The following BMP6 variants were observed in gnomAD, a reference collection of about 807,000 sequenced individuals.
BMP6 encodes bone morphogenetic protein 6.
Under a neutral mutation model 54.1 loss-of-function variants are expected in BMP6, and 17 were observed. That is an observed-to-expected ratio of 0.31 (90% CI 0.22 to 0.47). The LOEUF (loss-of-function observed/expected upper bound fraction) is 0.47, where lower values mean the gene tolerates loss of function less well. BMP6 is among the 20% of genes least tolerant of loss of function. BMP6 has a pLI of 1.00. For missense variants in BMP6, 720 were observed against 690.4 expected, an observed-to-expected ratio of 1.04 and a Z score of -0.48; for synonymous variants, 328 against 291.2, an observed-to-expected ratio of 1.13 and a Z score of -1.28.
chr6:7,829,983 T>C (rs1758769448), intron 1 of BMP6, among the ~76,000 whole-genome samples: 2 of 152,238 alleles, frequency 1.3e-5, no homozygotes, highest in Admixed American at 1.3e-4. Context: ...AGTCATTTGA[T>C]GCAGCTAAAA....
At chr6:7,769,003 A>AT (rs1757741491) in intron 1 of BMP6, among the ~76,000 whole-genome samples, 2 of 152,228 alleles carry the variant, frequency 1.3e-5, no homozygotes, top group Admixed American at 1.3e-4. Flanking sequence ...GTCAACTTGC[A>AT]TAACAGCTTT....
chr6:7,847,984 A>C (rs542211718), intron 2 of BMP6, among the ~76,000 whole-genome samples: 1 of 152,366 alleles, frequency 6.6e-6, no homozygotes, highest in South Asian at 2.1e-4. Context: ...GAATGGAATC[A>C]GCAACCTAAT....
intron 4 of BMP6, among the ~76,000 whole-genome samples, chr6:7,871,774 A>G (rs1328955252): frequency 6.6e-6 from 1 of 152,228 alleles, no homozygotes; most frequent in Non-Finnish European, 1.5e-5. Context: ...TTTGTGTCTC[A>G]GCAGGGCAGT....
chr6:7,748,856 T>TG (rs1757382651), intron 1 of BMP6, among the ~76,000 whole-genome samples: 1 of 152,224 alleles, frequency 6.6e-6, no homozygotes, highest in Admixed American at 6.5e-5. Flanking sequence ...TACCCCCATC[T>TG]CTAGGATTGT....
Position 7,731,499 on chromosome 6 carries a change from T to C in BMP6, c.664+3880T>C, listed in dbSNP as rs1004161237. Among the ~76,000 whole-genome samples, 15 of 152,220 alleles carry C rather than the reference T, an allele frequency of 9.9e-5. No individual in the cohort carries two copies. The East Asian group carries it at 1.7e-3, about 18-fold the overall frequency. ...TGCTTACTCATTTGTTTGTCTCCCCTGTAGGATGTCAGCCTCCAAAGGCGG... is the reference window on the plus strand; with the variant it reads ...TGCTTACTCATTTGTTTGTCTCCCCCGTAGGATGTCAGCCTCCAAAGGCGG... On this transcript the variant is annotated intron_variant, in intron 1 of 6. Transcript: ENST00000283147.
chr6:7,853,873 A>G (rs548425500), intron 2 of BMP6, among the ~76,000 whole-genome samples: 2 of 151,350 alleles, frequency 1.3e-5, no homozygotes, highest in South Asian at 4.2e-4. Context: ...AGTCAAGGGC[A>G]TATGACTTAT....
intron 4 of BMP6, among the ~76,000 whole-genome samples, chr6:7,869,542 C>T (rs1018370156): frequency 2.0e-5 from 3 of 152,182 alleles, no homozygotes; most frequent in Non-Finnish European, 4.4e-5. Flanking sequence ...CTGTTGGGGC[C>T]AAGGGTGCCC....
chr6:7,808,272 TAGTC>T (rs1758381821), intron 1 of BMP6, among the ~76,000 whole-genome samples: 1 of 152,204 alleles, frequency 6.6e-6, no homozygotes, highest in East Asian at 1.9e-4. Context: ...CACTTAAAAT[TAGTC>T]AGCTTGTACT....
At chr6:7,869,290 C>T (rs1175632427) in intron 4 of BMP6, among the ~76,000 whole-genome samples, 1 of 152,236 alleles carries the variant, frequency 6.6e-6, no homozygotes. Context: ...GTCACTGGCC[C>T]ATCATGGCAT....
intron 1 of BMP6, among the ~76,000 whole-genome samples, chr6:7,823,161 A>T (rs539239698): frequency 6.6e-6 from 1 of 152,092 alleles, no homozygotes; most frequent in East Asian, 1.9e-4. Flanking sequence ...CGTCCCAAAC[A>T]TTTCCTGAGC....
intron 1 of BMP6, among the ~76,000 whole-genome samples, chr6:7,794,604 GAAAAA>G (rs58889692): frequency 5.0e-5 from 6 of 119,216 alleles, no homozygotes; most frequent in Admixed American, 8.7e-5. Flanking sequence ...TGTCCCAAAA[GAAAAA>G]AAAAAAAAAA....
intron 1 of BMP6, among the ~76,000 whole-genome samples, chr6:7,822,890 G>A (rs1758632967): frequency 7.8e-6 from 1 of 128,830 alleles, no homozygotes; most frequent in African/African-American, 3.5e-5. Flanking sequence ...AGTAGGATTG[G>A]TGCTGGTTGT....
rs149744971 is a variant in BMP6 at position 7,836,715 on chromosome 6, T to C, written c.665-8425T>C. ...TTATTCTTGATATTTGTGATTCTTA[T>C]AGAATATGAATACAAATACTTAGAA... On this transcript the variant is annotated intron_variant, in intron 1 of 6. Coordinates refer to ENST00000283147, the MANE Select transcript of BMP6 (RefSeq NM_001718.6). Among the ~76,000 whole-genome samples, 585 of 152,336 alleles carry C rather than the reference T, an allele frequency of 3.8e-3. 6 individuals carry two copies. Among genetic ancestry groups the C allele is most frequent in the Non-Finnish European group, 6.8e-3 (464 of 68,022 alleles).
chr6:7,773,270 A>G (rs1330592698), intron 1 of BMP6, among the ~76,000 whole-genome samples: 1 of 152,196 alleles, frequency 6.6e-6, no homozygotes, highest in Non-Finnish European at 1.5e-5. Flanking sequence ...ACAGCCCAGG[A>G]GAACTAGTTC....
intron 1 of BMP6, among the ~76,000 whole-genome samples, chr6:7,790,559 T>C (rs968835149): frequency 7.3e-6 from 1 of 136,352 alleles, no homozygotes; most frequent in African/African-American, 2.8e-5. Flanking sequence ...CACACACATA[T>C]ACAGCTGTTC....
chr6:7,834,456 G>A (rs1665492740), intron 1 of BMP6, among the ~76,000 whole-genome samples: 1 of 151,472 alleles, frequency 6.6e-6, no homozygotes, highest in South Asian at 2.1e-4. Flanking sequence ...ATAAATAATA[G>A]TAAATATATG....
chr6:7,849,569 G>C (rs1759113175), intron 2 of BMP6, among the ~76,000 whole-genome samples: 1 of 152,100 alleles, frequency 6.6e-6, no homozygotes, highest in African/African-American at 2.4e-5. Flanking sequence ...TTGTTCTGTA[G>C]CACCTTTATA....
intron 1 of BMP6, among the ~76,000 whole-genome samples, chr6:7,734,143 T>G (rs1334027004): frequency 6.6e-6 from 1 of 152,206 alleles, no homozygotes; most frequent in East Asian, 1.9e-4. Context: ...GAAGCCAGGC[T>G]GGGAACACAG....
At chr6:7,763,911 T>TA (rs1273835745) in intron 1 of BMP6, among the ~76,000 whole-genome samples, 1 of 152,156 alleles carries the variant, frequency 6.6e-6, no homozygotes, top group African/African-American at 2.4e-5. Context: ...TTGTGTAGTC[T>TA]AGAGGGGAAA....
Sources: gnomAD v4.1 joint callset for allele counts (sites outside exome capture counted in the v4.1 genomes callset) on GRCh38, gnomAD v4.1.1 for gene constraint, MANE v1.5 for transcripts, NCBI Gene and HGNC (gene_info 2026-07-23, HGNC 2026-07-21) for gene names.